The following PIP4K2A variants were observed in gnomAD, a reference collection of about 807,000 sequenced individuals.
PIP4K2A encodes the protein phosphatidylinositol-5-phosphate 4-kinase type 2 alpha, also known as phosphatidylinositol 5-phosphate 4-kinase type-2 alpha.
Under a neutral mutation model 42.9 loss-of-function variants are expected in PIP4K2A, and 14 were observed. The observed-to-expected ratio is 0.33, with a 90% CI of 0.22 to 0.51. PIP4K2A has a LOEUF of 0.51. Ranked by LOEUF, PIP4K2A falls within the 20% of genes least tolerant of loss-of-function variation. The pLI is 0.97. For missense variants in PIP4K2A, 434 were observed against 519.8 expected (o/e 0.83, Z 1.61); for synonymous variants, 192 against 192.2 (o/e 1.00, Z 0.01).
chr10:22,584,577 G>C (rs925954500), intron 4 of PIP4K2A, among the ~76,000 whole-genome samples: 2 of 152,160 alleles, frequency 1.3e-5, no homozygotes, highest in African/African-American at 4.8e-5. Flanking sequence ...AGCTTGCTGG[G>C]GAGTGTGCCG....
chr10:22,713,944 G>C (rs936044957), intron 1 of PIP4K2A: 1 of 373,214 alleles, frequency 2.7e-6, no homozygotes, highest in South Asian at 4.3e-5. Flanking sequence ...ACATGCACAC[G>C]GGACCCCCGA....
intron 1 of PIP4K2A, among the ~76,000 whole-genome samples, chr10:22,674,407 C>T: frequency 8.3e-6 from 1 of 120,004 alleles, no homozygotes; most frequent in South Asian, 2.8e-4. Context: ...AGACAAGACA[C>T]TTGGGAGCAA....
intron 1 of PIP4K2A, among the ~76,000 whole-genome samples, chr10:22,678,978 T>G (rs1426977238): frequency 1.3e-5 from 2 of 152,210 alleles, no homozygotes; most frequent in Non-Finnish European, 2.9e-5. Flanking sequence ...GTAAGATAAA[T>G]GAATAAAATA....
chr10:22,549,396 C>G (rs1381085539), intron 7 of PIP4K2A, among the ~76,000 whole-genome samples: 1 of 151,238 alleles, frequency 6.6e-6, no homozygotes, highest in Non-Finnish European at 1.5e-5. Flanking sequence ...AATCTTCCCA[C>G]AAAGCCTCTC....
At chr10:22,690,415 A>G (rs1839842351) in intron 1 of PIP4K2A, among the ~76,000 whole-genome samples, 1 of 152,244 alleles carries the variant, frequency 6.6e-6, no homozygotes, top group Non-Finnish European at 1.5e-5. Flanking sequence ...GGTTCCCCCT[A>G]CTTGGAAATC....
intron 3 of PIP4K2A, among the ~76,000 whole-genome samples, chr10:22,592,116 C>A (rs1837525938): frequency 6.6e-6 from 1 of 152,132 alleles, no homozygotes; most frequent in Non-Finnish European, 1.5e-5. Context: ...AAATTAGGTT[C>A]CAGTCATAAA....
At chr10:22,678,092 G>A (rs973448254) in intron 1 of PIP4K2A, among the ~76,000 whole-genome samples, 1 of 152,096 alleles carries the variant, frequency 6.6e-6, no homozygotes, top group African/African-American at 2.4e-5. Flanking sequence ...TTTAAACCAT[G>A]AGGAATGAAT....
chr10:22,541,554 T>C (rs1323934507), intron 8 of PIP4K2A, among the ~76,000 whole-genome samples: 2 of 152,210 alleles, frequency 1.3e-5, no homozygotes, highest in African/African-American at 4.8e-5. Context: ...TGTACATGTA[T>C]AGTATAGTTC....
chr10:22,619,369 TATTTGTCTTG>T lies in PIP4K2A; in HGVS notation c.145-9662_145-9653del, dbSNP rs544252975. 2.5e-3 allele frequency among the ~76,000 whole-genome samples: 384 copies of T among 152,226 alleles called. 2 individuals carry two copies. The highest frequency in any genetic ancestry group is 8.9e-3 in the African/African-American group (370 of 41,534). On this transcript the variant is annotated intron_variant, in intron 1 of 9. Transcript: ENST00000376573. The stretch of plus-strand genomic sequence containing the variant: ...TGAAAATGTCTGGGAAATGTACTTT[TATTTGTCTTG>T]AGGCAAGAGGTCAATTTTCTACAGC...
chr10:22,704,189 A>C (rs1283104030), intron 1 of PIP4K2A, among the ~76,000 whole-genome samples: 1 of 152,218 alleles, frequency 6.6e-6, no homozygotes, highest in Non-Finnish European at 1.5e-5. Context: ...TAATTGTAGA[A>C]GATGATCCTG....
chr10:22,643,596 T>C (rs1838822943), intron 1 of PIP4K2A, among the ~76,000 whole-genome samples: 1 of 152,028 alleles, frequency 6.6e-6, no homozygotes, highest in Non-Finnish European at 1.5e-5. Flanking sequence ...GGCCCCCAAA[T>C]CCCTCCATGG....
chr10:22,610,112 C>G (rs2559528), intron 1 of PIP4K2A, among the ~76,000 whole-genome samples: 8,291 of 152,156 alleles, frequency 0.054, 360 homozygotes, highest in Non-Finnish European at 0.085. Context: ...AAATTTTTCA[C>G]GTAAATATTT....
At chr10:22,622,575 G>A (rs1000069575) in intron 1 of PIP4K2A, among the ~76,000 whole-genome samples, 1 of 152,236 alleles carries the variant, frequency 6.6e-6, no homozygotes, top group African/African-American at 2.4e-5. Flanking sequence ...CTGGCGGAAA[G>A]GCCCTAGAAA....
intron 4 of PIP4K2A, among the ~76,000 whole-genome samples, chr10:22,585,084 G>A (rs1455023542): frequency 6.6e-6 from 1 of 152,098 alleles, no homozygotes; most frequent in Non-Finnish European, 1.5e-5. Context: ...GACACAATGT[G>A]GAACCTTTTC....
chr10:22,667,908 T>TA (rs1839379530), intron 1 of PIP4K2A, among the ~76,000 whole-genome samples: 1 of 121,668 alleles, frequency 8.2e-6, no homozygotes, highest in Non-Finnish European at 1.9e-5. Flanking sequence ...TGTGTGTGTG[T>TA]GTGTGTGTAG....
intron 1 of PIP4K2A, among the ~76,000 whole-genome samples, chr10:22,636,949 G>T (rs1487414582): frequency 6.6e-6 from 1 of 152,232 alleles, no homozygotes; most frequent in Admixed American, 6.5e-5. Context: ...GGTGACTGCA[G>T]CCACGTGAGT....
intron 1 of PIP4K2A, among the ~76,000 whole-genome samples, chr10:22,616,513 T>C (rs1198562087): frequency 6.6e-6 from 1 of 152,158 alleles, no homozygotes; most frequent in Non-Finnish European, 1.5e-5. Flanking sequence ...TTAAATCTTC[T>C]GCCAACATAA....
chr10:22,701,814 G>A (rs1162211627), intron 1 of PIP4K2A, among the ~76,000 whole-genome samples: 1 of 152,196 alleles, frequency 6.6e-6, no homozygotes, highest in African/African-American at 2.4e-5. Flanking sequence ...CTGGAAGCAG[G>A]AAGAATAAGT....
At chr10:22,556,242 A>G (rs1836543581) in intron 6 of PIP4K2A, among the ~76,000 whole-genome samples, 1 of 152,196 alleles carries the variant, frequency 6.6e-6, no homozygotes, top group African/African-American at 2.4e-5. Flanking sequence ...CGAAGGTGAC[A>G]TGGCCCGAGG....
Sources: gnomAD v4.1 joint callset for allele counts (sites outside exome capture counted in the v4.1 genomes callset) on GRCh38, gnomAD v4.1.1 for gene constraint, MANE v1.5 for transcripts, NCBI Gene and HGNC (gene_info 2026-07-23, HGNC 2026-07-21) for gene names.